CLIP4: variants seen among roughly 807,000 people sequenced by gnomAD.
CLIP4 encodes the protein CAP-Gly domain containing linker protein family member 4, also known as CAP-Gly domain-containing linker protein 4.
A neutral mutation model predicts 73.1 loss-of-function variants in CLIP4; 47 were observed. The observed-to-expected ratio is 0.64, with a 90% CI of 0.51 to 0.82. The LOEUF is 0.82. Among genes scored for constraint, CLIP4 ranks in the 40% least tolerant of loss-of-function variants. The probability of loss-of-function intolerance (pLI) is 0.00; values close to 1 mark genes in which losing one functional copy is unlikely to be tolerated. For synonymous variants in CLIP4, 306 were observed against 295.4 expected (o/e 1.04, Z -0.37); for missense variants, 874 against 852.9 (o/e 1.02, Z -0.31).
intron 1 of CLIP4, among the ~76,000 whole-genome samples, chr2:29,116,147 C>G (rs1663808562): frequency 6.6e-6 from 1 of 152,218 alleles, no homozygotes; most frequent in African/African-American, 2.4e-5. Flanking sequence ...CCTTGCAGTC[C>G]TTGGCTACCT....
intron 2 of CLIP4, among the ~76,000 whole-genome samples, chr2:29,123,799 CAAAG>C (rs1326725662): frequency 6.6e-6 from 1 of 152,066 alleles, no homozygotes; most frequent in Non-Finnish European, 1.5e-5. Flanking sequence ...GAGTGTAAAA[CAAAG>C]AAACAAAAAG....
intron 1 of CLIP4, among the ~76,000 whole-genome samples, chr2:29,104,013 G>A (rs1221558120): frequency 6.6e-6 from 1 of 151,960 alleles, no homozygotes; most frequent in African/African-American, 2.4e-5. Flanking sequence ...CGCCAGCACT[G>A]CTCTGTTTTT....
intron 1 of CLIP4, among the ~76,000 whole-genome samples, chr2:29,101,266 G>C (rs1016665781): frequency 2.0e-5 from 3 of 148,862 alleles, no homozygotes; most frequent in African/African-American, 7.5e-5. Flanking sequence ...CTCCAGCCTG[G>C]GCAACAGGCT....
chr2:29,137,112 G>A (rs1311361445), intron 6 of CLIP4, among the ~76,000 whole-genome samples: 1 of 151,956 alleles, frequency 6.6e-6, no homozygotes, highest in Admixed American at 6.6e-5. Context: ...TGAGGTTTGG[G>A]CTTCTGTTGA....
At chr2:29,122,588 A>G (rs1279884048) in intron 2 of CLIP4, among the ~76,000 whole-genome samples, 1 of 152,170 alleles carries the variant, frequency 6.6e-6, no homozygotes, top group Non-Finnish European at 1.5e-5. Context: ...TGTTGAATAA[A>G]TACATTGAAT....
In CLIP4 at chr2:29,126,240, A is replaced by G. The variant is rs966275514; in HGVS notation, c.133+4719A>G. Reference sequence around the variant, plus strand: ...TCATTTAATCTCAAAAGCTTGCAACAGCATAAAAAATACTTTATTTTCCTT... The same window carrying G: ...TCATTTAATCTCAAAAGCTTGCAACGGCATAAAAAATACTTTATTTTCCTT... On this transcript the variant is annotated intron_variant, in intron 2 of 15. Transcript: ENST00000320081. 1.1e-4 allele frequency among the ~76,000 whole-genome samples: 17 copies of G among 152,348 alleles called. 1 individual carries two copies. Among genetic ancestry groups the G allele is most frequent in the Admixed American group, 9.8e-4 (15 of 15,300 alleles).
chr2:29,179,172 T>C (rs1313209408), intron 15 of CLIP4, among the ~76,000 whole-genome samples: 1 of 152,242 alleles, frequency 6.6e-6, no homozygotes, highest in East Asian at 1.9e-4. Context: ...AGTCATATCC[T>C]TTTTCTCAGC....
chr2:29,102,362 C>T (rs1668074207), intron 1 of CLIP4, among the ~76,000 whole-genome samples: 1 of 152,124 alleles, frequency 6.6e-6, no homozygotes. Flanking sequence ...ACTTTGGTCA[C>T]ACCTGCCCCA....
At chr2:29,130,371 G>T (rs1381394296) in intron 2 of CLIP4, among the ~76,000 whole-genome samples, 2 of 152,190 alleles carry the variant, frequency 1.3e-5, no homozygotes, top group Non-Finnish European at 2.9e-5. Flanking sequence ...TTATAGTAAG[G>T]TTTATAAAGC....
chr2:29,119,690 C>G (rs1487584071), intron 1 of CLIP4, among the ~76,000 whole-genome samples: 1 of 152,166 alleles, frequency 6.6e-6, no homozygotes, highest in Non-Finnish European at 1.5e-5. Context: ...AGCCTCACCT[C>G]TGACTGTTTT....
In CLIP4 at chr2:29,143,793, A is replaced by C. The variant is rs1665954313; in HGVS notation, c.733A>C (p.Lys245Gln). 1.2e-6 allele frequency: 2 copies of C among 1,614,006 alleles called. No individual in the cohort carries two copies. The highest frequency in any genetic ancestry group is 2.2e-5 in the South Asian group (2 of 91,088). The change falls in exon 7 of 16, where the codon AAG becomes CAG. Residue 245 changes from lysine to glutamine, a missense_variant. Coordinates refer to ENST00000320081, the MANE Select transcript of CLIP4 (RefSeq NM_024692.6). ...GATGGCTGACGCCGCAGCCACTGCT[A>C]AGGAAATCAAGCAGATGCTTCTAGA... ...LEMADAAATA[K>Q]EIKQMLLDAV...
intron 2 of CLIP4, chr2:29,130,996 G>A: frequency 9.6e-7 from 1 of 1,038,868 alleles, no homozygotes; most frequent in Non-Finnish European, 1.3e-6. Context: ...ATGTTGAGCT[G>A]GTATTATTTA....
chr2:29,160,057 A>G (rs1258559161), intron 11 of CLIP4, among the ~76,000 whole-genome samples: 2 of 152,224 alleles, frequency 1.3e-5, no homozygotes, highest in East Asian at 3.8e-4. Context: ...AAGAGTTGGT[A>G]GTTTACCAGG....
intron 13 of CLIP4, among the ~76,000 whole-genome samples, chr2:29,164,847 A>G (rs967088235): frequency 6.6e-6 from 1 of 152,284 alleles, no homozygotes; most frequent in Non-Finnish European, 1.5e-5. Flanking sequence ...TCCTTCTATG[A>G]TATACTTGAC....
chr2:29,161,081 T>G (rs577612633), intron 12 of CLIP4, among the ~76,000 whole-genome samples: 2 of 152,284 alleles, frequency 1.3e-5, no homozygotes, highest in South Asian at 4.2e-4. Flanking sequence ...TTCAAGCGGT[T>G]CTCCTGCCTC....
At chr2:29,130,192 T>C (rs1337551955) in intron 2 of CLIP4, among the ~76,000 whole-genome samples, 1 of 152,184 alleles carries the variant, frequency 6.6e-6, no homozygotes, top group Non-Finnish European at 1.5e-5. Flanking sequence ...AGCACCTAGT[T>C]ACTGGCCTTG....
chr2:29,156,697 C>T lies in CLIP4; in HGVS notation c.1255+254C>T, dbSNP rs112333591. Among the ~76,000 whole-genome samples the T allele has an allele frequency of 9.4e-3, 1,436 of 152,188 alleles. 13 individuals are homozygous for T. The highest frequency in any genetic ancestry group is 0.052 in the East Asian group (271 of 5,178). Reference sequence around the variant, plus strand: ...ACTGGACTAGATTTAAGAAAATAAACGGAAATTCCATAATATAGAGCACTC... The same window carrying T: ...ACTGGACTAGATTTAAGAAAATAAATGGAAATTCCATAATATAGAGCACTC... On this transcript the variant is annotated intron_variant, in intron 10 of 15. Coordinates refer to ENST00000320081, the MANE Select transcript of CLIP4 (RefSeq NM_024692.6).
intron 3 of CLIP4, 39 bp downstream of exon 3, chr2:29,131,436 A>C (rs749654045): frequency 1.2e-5 from 18 of 1,564,590 alleles, no homozygotes; most frequent in Non-Finnish European, 1.6e-5. Context: ...CATTGTTAGG[A>C]TTGTTAATGG....
chr2:29,152,573 C>A, intron 8 of CLIP4, 112 bp from the exon 9 acceptor site: 1 of 1,047,290 alleles, frequency 9.5e-7, no homozygotes, highest in Non-Finnish European at 1.4e-6. Context: ...ATAGGACATG[C>A]AGTGGGCACT....
Sources: gnomAD v4.1 joint callset for allele counts (sites outside exome capture counted in the v4.1 genomes callset) on GRCh38, gnomAD v4.1.1 for gene constraint, MANE v1.5 for transcripts, NCBI Gene and HGNC (gene_info 2026-07-23, HGNC 2026-07-21) for gene names.